ADAD1: variants seen among roughly 807,000 people sequenced by gnomAD.
The protein encoded by ADAD1 is adenosine deaminase domain containing 1.
Under a neutral mutation model 66.8 loss-of-function variants are expected in ADAD1, and 46 were observed. The ratio of observed to expected loss-of-function variants is 0.69; its 90% CI spans 0.54 to 0.88. The LOEUF is 0.88. Among genes scored for constraint, ADAD1 ranks in the 40% least tolerant of loss-of-function variants. The probability of loss-of-function intolerance (pLI) is 0.00; values close to 1 mark genes in which losing one functional copy is unlikely to be tolerated. For synonymous variants in ADAD1, 248 were observed against 229.4 expected (o/e 1.08, Z -0.73); for missense variants, 617 against 681.8 (o/e 0.91, Z 1.06).
intron 12 of ADAD1, among the ~76,000 whole-genome samples, chr4:122,424,247 T>C (rs567915442): frequency 6.6e-6 from 1 of 152,340 alleles, no homozygotes; most frequent in South Asian, 2.1e-4. Context: ...GAAAAAATTA[T>C]ACCAGATGAT....
chr4:122,379,832 T>A (rs113341592), intron 2 of ADAD1: 1 of 437,344 alleles, frequency 2.3e-6, no homozygotes, highest in Non-Finnish European at 4.0e-6. Context: ...GTTCCTTCTT[T>A]CCTCCTTTGT....
At chr4:122,429,590 C>T in intron 12 of ADAD1, 36 bp from the exon 13 acceptor site, 1 of 1,393,704 alleles carries the variant, frequency 7.2e-7, no homozygotes, top group Non-Finnish European at 1.0e-6. Context: ...CAAATGCTGC[C>T]TATTTTCTAT....
rs572931518 is a variant in ADAD1, at chr4:122,429,276, T to TA, written c.1618-340dup. 6.4e-3 allele frequency among the ~76,000 whole-genome samples: 934 copies of TA among 146,970 alleles called. 3 individuals are homozygous for TA. The highest frequency in any genetic ancestry group is 0.01 in the African/African-American group (411 of 40,066). ...TGCAAGACCTTGCCTCTGCAAAAAA[T>TA]AAAAAAAAAATAGCAGGGCATGGTG... On this transcript the variant is annotated intron_variant, in intron 12 of 12. Transcript: ENST00000296513.
intron 10 of ADAD1, among the ~76,000 whole-genome samples, chr4:122,415,117 G>A (rs951296714): frequency 6.6e-6 from 1 of 152,028 alleles, no homozygotes; most frequent in East Asian, 1.9e-4. Context: ...GAGCAGCTGT[G>A]ACTCTTTGCT....
At chr4:122,400,179 C>T (rs538322964) in intron 7 of ADAD1, among the ~76,000 whole-genome samples, 4 of 152,204 alleles carry the variant, frequency 2.6e-5, no homozygotes, top group East Asian at 3.9e-4. Flanking sequence ...AGGTATGTCC[C>T]TCCTATGCCA....
At chr4:122,396,784 A>G (rs989684465) in intron 7 of ADAD1, among the ~76,000 whole-genome samples, 1 of 152,220 alleles carries the variant, frequency 6.6e-6, no homozygotes, top group Non-Finnish European at 1.5e-5. Context: ...TGAGTTCATC[A>G]TTAATTAAAA....
At chr4:122,426,040 A>G (rs1797218872) in intron 12 of ADAD1, among the ~76,000 whole-genome samples, 1 of 152,134 alleles carries the variant, frequency 6.6e-6, no homozygotes, top group Admixed American at 6.5e-5. Context: ...GAAAATAGAA[A>G]AAAATAGTAG....
Position 122,379,026 on chromosome 4 carries a change from A to G in ADAD1, c.-172A>G, listed in dbSNP as rs1048782945. 6.6e-6 allele frequency: 1 copy of G among 152,358 alleles called. No individual in the cohort carries two copies. The highest frequency in any genetic ancestry group is 1.5e-5 in the Non-Finnish European group (1 of 68,054). 9.4% of individuals were successfully genotyped at this position (152,358 alleles called of 1,614,324 possible). On this transcript the variant is annotated 5_prime_UTR_variant, in exon 1 of 13. Coordinates refer to ENST00000296513, the MANE Select transcript of ADAD1 (RefSeq NM_139243.4). ...TAGTTTTTCTGTAAACAGGAAGGCC[A>G]CAGTGGAGGCCAAGCCTTCCCCATG...
At chr4:122,419,785 A>G (rs1246166302) in intron 11 of ADAD1, among the ~76,000 whole-genome samples, 1 of 152,208 alleles carries the variant, frequency 6.6e-6, no homozygotes, top group Non-Finnish European at 1.5e-5. Flanking sequence ...AAAATATCAT[A>G]TGTTTATCTC....
chr4:122,427,182 A>G (rs1178449094), intron 12 of ADAD1, among the ~76,000 whole-genome samples: 1 of 152,268 alleles, frequency 6.6e-6, no homozygotes, highest in Non-Finnish European at 1.5e-5. Context: ...TTTATATACT[A>G]GGAATGAATG....
At chr4:122,404,676 T>G (rs1288216989) in intron 7 of ADAD1, among the ~76,000 whole-genome samples, 1 of 152,194 alleles carries the variant, frequency 6.6e-6, no homozygotes, top group Non-Finnish European at 1.5e-5. Context: ...TTCATCCAAG[T>G]GGAAGCTGCA....
chr4:122,413,765 G>A (rs1796576406), intron 10 of ADAD1, among the ~76,000 whole-genome samples: 1 of 150,096 alleles, frequency 6.7e-6, no homozygotes, highest in African/African-American at 2.4e-5. Context: ...TAAAATGCTT[G>A]CCTAAAGTCA....
chr4:122,404,536 G>A (rs969257186), intron 7 of ADAD1, among the ~76,000 whole-genome samples: 1 of 152,160 alleles, frequency 6.6e-6, no homozygotes, highest in East Asian at 1.9e-4. Context: ...TTTTTCAGCT[G>A]TCTCACAGAG....
At chr4:122,389,937 A>G (rs1795355962) in intron 5 of ADAD1, among the ~76,000 whole-genome samples, 1 of 152,102 alleles carries the variant, frequency 6.6e-6, no homozygotes, top group Non-Finnish European at 1.5e-5. Context: ...TTGATGCACT[A>G]GTTTATTCAT....
intron 12 of ADAD1, among the ~76,000 whole-genome samples, chr4:122,427,549 T>TTC (rs1553926021): frequency 0.029 from 4,071 of 141,406 alleles, 197 homozygotes; most frequent in Non-Finnish European, 0.05. Context: ...TTTTTTTTTT[T>TTC]CCTGATGCGG....
intron 5 of ADAD1, among the ~76,000 whole-genome samples, chr4:122,390,533 A>G (rs75861193): frequency 0.015 from 2,325 of 152,124 alleles, 62 homozygotes; most frequent in African/African-American, 0.052. Context: ...GAAGTCCCAT[A>G]TTAGAGTCTT....
intron 12 of ADAD1, among the ~76,000 whole-genome samples, chr4:122,429,170 G>A (rs1797398017): frequency 6.6e-6 from 1 of 151,676 alleles, no homozygotes; most frequent in Non-Finnish European, 1.5e-5. Context: ...AGGTGTGGTG[G>A]CTCATGCCTG....
chr4:122,389,808 A>G (rs976547536), intron 5 of ADAD1, among the ~76,000 whole-genome samples: 1 of 152,120 alleles, frequency 6.6e-6, no homozygotes. Context: ...CTCCTTACCC[A>G]GTGTGCCAGT....
chr4:122,417,846 C>T (rs1242721122), intron 11 of ADAD1, among the ~76,000 whole-genome samples: 1 of 152,060 alleles, frequency 6.6e-6, no homozygotes, highest in Non-Finnish European at 1.5e-5. Flanking sequence ...GAATAACAAA[C>T]CAGAATACTA....
Sources: gnomAD v4.1 joint callset for allele counts (sites outside exome capture counted in the v4.1 genomes callset) on GRCh38, gnomAD v4.1.1 for gene constraint, MANE v1.5 for transcripts, NCBI Gene and HGNC (gene_info 2026-07-23, HGNC 2026-07-21) for gene names.